PRKCZ: variants seen among roughly 807,000 people sequenced by gnomAD.
PRKCZ encodes the protein protein kinase C zeta type.
In PRKCZ, 33 loss-of-function variants were observed where a neutral mutation model predicts 79.5. The ratio of observed to expected loss-of-function variants is 0.41; its 90% CI spans 0.31 to 0.55. PRKCZ has a LOEUF of 0.55. PRKCZ is among the 20% of genes least tolerant of loss of function. PRKCZ has a pLI of 0.19. For missense variants in PRKCZ, 578 were observed against 813.5 expected (o/e 0.71, Z 3.52); for synonymous variants, 342 against 320.9 (o/e 1.07, Z -0.70).
intron 4 of PRKCZ, among the ~76,000 whole-genome samples, chr1:2,107,035 C>CT (rs1668685264): frequency 6.7e-6 from 1 of 150,188 alleles, no homozygotes; most frequent in South Asian, 2.1e-4. Flanking sequence ...GCTCGGCTGT[C>CT]TCAGTTGTTT....
At chr1:2,072,347 G>A (rs998381135) in intron 4 of PRKCZ, among the ~76,000 whole-genome samples, 1 of 152,266 alleles carries the variant, frequency 6.6e-6, no homozygotes, top group Non-Finnish European at 1.5e-5. Flanking sequence ...GCAGGTGTGG[G>A]AGGCCAGCCA....
At chr1:2,147,372 C>T (rs1003271107) in intron 7 of PRKCZ, among the ~76,000 whole-genome samples, 4 of 151,308 alleles carry the variant, frequency 2.6e-5, no homozygotes, top group Non-Finnish European at 4.4e-5. Flanking sequence ...TGTCCACTGA[C>T]CTCTCTATCT....
rs1199169975 is a variant in PRKCZ at position 2,065,700 on chromosome 1, A to AAAG, written c.334+6110_334+6112dup. The stretch of plus-strand genomic sequence containing the variant: ...TCTCAAAAAAAAAAAAAAAAAAAAA[A>AAAG]AAGTGGTGTGGTCAATCATCCCTGC... On this transcript the variant is annotated intron_variant, in intron 4 of 17. Transcript: ENST00000378567. Among the ~76,000 whole-genome samples the AAAG allele has an allele frequency of 2.8e-4, 43 of 151,584 alleles. 1 individual carries two copies. The highest frequency in any genetic ancestry group is 1.0e-3 in the African/African-American group (43 of 41,278).
intron 5 of PRKCZ, among the ~76,000 whole-genome samples, chr1:2,140,923 G>T (rs575899863): frequency 6.6e-6 from 1 of 152,186 alleles, no homozygotes; most frequent in Non-Finnish European, 1.5e-5. Context: ...AGCCAAGATC[G>T]TACCACTGCA....
At chr1:2,109,916 G>A (rs1282269058) in intron 4 of PRKCZ, among the ~76,000 whole-genome samples, 1 of 152,242 alleles carries the variant, frequency 6.6e-6, no homozygotes, top group Non-Finnish European at 1.5e-5. Context: ...TAGCAGAATT[G>A]CCAGACCTGG....
rs370409660 is a variant in PRKCZ at position 2,124,029 on chromosome 1, C to T, written c.335-11233C>T. Reference sequence around the variant, plus strand: ...GTCACGGTGGCGGTTAGGGTCACGGCGGCGGTTAGGGTCACGGCGGCGGTT... The same window carrying T: ...GTCACGGTGGCGGTTAGGGTCACGGTGGCGGTTAGGGTCACGGCGGCGGTT... On this transcript the variant is annotated intron_variant, in intron 4 of 17. Transcript: ENST00000378567. Among the ~76,000 whole-genome samples, 5 of 3,196 alleles carry T rather than the reference C, an allele frequency of 1.6e-3. 1 individual carries two copies. Among genetic ancestry groups the T allele is most frequent in the African/African-American group, 6.8e-3 (3 of 442 alleles). The allele number at this position is 3,196 out of a possible 152,430, so 2.1% of individuals were successfully genotyped here.
chr1:2,137,600 G>T (rs1284268919), intron 5 of PRKCZ, among the ~76,000 whole-genome samples: 1 of 152,160 alleles, frequency 6.6e-6, no homozygotes, highest in Non-Finnish European at 1.5e-5. Flanking sequence ...CTCTGTATCT[G>T]TCTCTTCTGT....
chr1:2,063,726 G>A (rs1358164374), intron 4 of PRKCZ, among the ~76,000 whole-genome samples: 2 of 151,924 alleles, frequency 1.3e-5, no homozygotes, highest in Non-Finnish European at 2.9e-5. Flanking sequence ...AGCTCTTGTC[G>A]TTTTCTGTTT....
intron 11 of PRKCZ, among the ~76,000 whole-genome samples, chr1:2,170,685 C>T (rs920363500): frequency 1.3e-5 from 2 of 152,234 alleles, no homozygotes; most frequent in Non-Finnish European, 1.5e-5. Flanking sequence ...CAGACGGGCA[C>T]GTCCCACTTT....
intron 4 of PRKCZ, among the ~76,000 whole-genome samples, chr1:2,131,360 T>C (rs1252154934): frequency 6.6e-6 from 1 of 152,138 alleles, no homozygotes; most frequent in Non-Finnish European, 1.5e-5. Flanking sequence ...ATCTCAGCAC[T>C]TTGGGAGGCC....
chr1:2,148,892 C>T lies in PRKCZ; in HGVS notation c.655C>T (p.Arg219Trp), dbSNP rs1338585988. ...ACCAGTTGCTTACATTTCCTCATCC[C>T]GGAAGCATGACAGCATTAAAGACGA... ...TDGIAYISSS[R>W]KHDSIKDDSE... is the part of the protein sequence containing the mutation. The change falls in exon 8 of 18, where the codon CGG becomes TGG. Residue 219 changes from arginine (R) to tryptophan (W), a missense_variant. This residue lies in a region of PRKCZ where 91 missense variants were observed against 97.5 expected (regional missense o/e 0.93). Coordinates refer to ENST00000378567, the MANE Select transcript of PRKCZ (RefSeq NM_002744.6). 6.2e-6 allele frequency: 10 copies of T among 1,613,886 alleles called. No individual in the cohort carries two copies. Among genetic ancestry groups the T allele is most frequent in the South Asian group, 4.4e-5 (4 of 91,080 alleles).
chr1:2,180,285 T>G (rs967854504), intron 16 of PRKCZ, among the ~76,000 whole-genome samples: 1 of 152,104 alleles, frequency 6.6e-6, no homozygotes, highest in African/African-American at 2.4e-5. Flanking sequence ...GCCAACCTGT[T>G]TATGAAAATG....
At chr1:2,086,709 G>A (rs1008309142) in intron 4 of PRKCZ, among the ~76,000 whole-genome samples, 20 of 152,334 alleles carry the variant, frequency 1.3e-4, no homozygotes, top group African/African-American at 4.3e-4. Flanking sequence ...GGGGCTGCAT[G>A]GGGATTCGAT....
chr1:2,059,024 G>T (rs1052931651), intron 3 of PRKCZ, among the ~76,000 whole-genome samples: 1 of 152,112 alleles, frequency 6.6e-6, no homozygotes, highest in Non-Finnish European at 1.5e-5. Flanking sequence ...TGAACTCCTG[G>T]CCTGAAGCCA....
intron 4 of PRKCZ, among the ~76,000 whole-genome samples, chr1:2,083,138 C>T (rs549751219): frequency 7.4e-4 from 113 of 152,246 alleles, no homozygotes; most frequent in African/African-American, 2.6e-3. Flanking sequence ...CCAGAGTGTT[C>T]GGTTCACTGG....
At chr1:2,114,222 G>T (rs1028180385) in intron 4 of PRKCZ, among the ~76,000 whole-genome samples, 8 of 151,190 alleles carry the variant, frequency 5.3e-5, no homozygotes, top group Non-Finnish European at 8.8e-5. Flanking sequence ...TGCAGGGCAG[G>T]TTCGTCTTGT....
rs262693 is a variant in PRKCZ at position 2,177,928 on chromosome 1, G to A, written c.1575+2615G>A. 0.058 allele frequency among the ~76,000 whole-genome samples: 8,838 copies of A among 151,514 alleles called. 818 individuals are homozygous for A. The highest frequency in any genetic ancestry group is 0.2 in the African/African-American group (8,078 of 40,904). ...GACCGCCGGCCCTGCCTCTGCCACC[G>A]ACCGCCGACCCTGCCTCTGCCGTTT... is the stretch of plus-strand genomic sequence containing the variant. On this transcript the variant is annotated intron_variant, in intron 16 of 17. Transcript: ENST00000378567. This position sits in a 1 kb window ranked among gnomAD's most constrained non-coding sequence, Gnocchi z 6.4.
intron 1 of PRKCZ, among the ~76,000 whole-genome samples, chr1:2,054,787 C>A (rs1268295697): frequency 6.6e-6 from 1 of 152,132 alleles, no homozygotes; most frequent in African/African-American, 2.4e-5. Flanking sequence ...ATCCCGGGGT[C>A]ACCCACATTT....
intron 4 of PRKCZ, among the ~76,000 whole-genome samples, chr1:2,096,895 G>T (rs1666624514): frequency 6.6e-6 from 1 of 152,222 alleles, no homozygotes; most frequent in Non-Finnish European, 1.5e-5. Context: ...GCCCCTTGAG[G>T]CTGAACCTGA....
Sources: gnomAD v4.1 joint callset for allele counts (sites outside exome capture counted in the v4.1 genomes callset) on GRCh38, gnomAD v4.1.1 for gene constraint, gnomAD v4.1.1 regional missense constraint, Gnocchi (gnomAD v3.1) non-coding constraint, MANE v1.5 for transcripts, NCBI Gene and HGNC (gene_info 2026-07-23, HGNC 2026-07-21) for gene names.